Variants in RASA3 observed in about 807,000 individuals in gnomAD.
RASA3 encodes ras GTPase-activating protein 3.
A neutral mutation model predicts 110.0 loss-of-function variants in RASA3; 73 were observed. The observed-to-expected ratio is 0.66, with a 90% confidence interval of 0.55 to 0.81. RASA3 has a LOEUF of 0.81. Among genes scored for constraint, RASA3 ranks in the 30% least tolerant of loss-of-function variants. The pLI is 0.00. For synonymous variants in RASA3, 500 were observed against 451.4 expected, an observed-to-expected ratio of 1.11 and a Z score of -1.37; for missense variants, 976 against 1,113.2, an observed-to-expected ratio of 0.88 and a Z score of 1.75.
In RASA3 at chr13:114,073,229, C is replaced by A. The variant is rs547358994; in HGVS notation, c.173+491G>T. Among the ~76,000 whole-genome samples the A allele has an allele frequency of 3.3e-5, 5 of 150,172 alleles. No individual in the cohort carries two copies. In the East Asian group the frequency reaches 9.9e-4, roughly 30 times the overall value. ...ACGTACACGCTCGGGACATTGTCTA[C>A]GCACAGAAAAATTCCCTACACGCGG... On this transcript the variant is annotated intron_variant, in intron 2 of 23. Coordinates refer to ENST00000334062, the MANE Select transcript of RASA3 (RefSeq NM_007368.4).
rs913671608 is a variant in RASA3 at position 114,048,866 on chromosome 13, T to C, written c.277+3186A>G. Among the ~76,000 whole-genome samples the C allele has an allele frequency of 6.8e-6, 1 of 147,086 alleles. No homozygotes were observed. On this transcript the variant is annotated intron_variant, in intron 3 of 23. Coordinates refer to ENST00000334062, the MANE Select transcript of RASA3 (RefSeq NM_007368.4). The surrounding 1 kb of genome is among the most constrained non-coding windows in gnomAD (Gnocchi z 4.3). The stretch of plus-strand genomic sequence containing the variant: ...GGGAGCTGACTGCAGCCGGTGGAGG[T>C]GCCGGGGTGGGCTGGGGAGGGCTGA...
At chr13:114,043,077 G>A (rs1001417240) in intron 3 of RASA3, among the ~76,000 whole-genome samples, 2 of 152,164 alleles carry the variant, frequency 1.3e-5, no homozygotes, top group Non-Finnish European at 2.9e-5. Flanking sequence ...GGTCCATTCC[G>A]TGACTAATCT....
At chr13:114,024,056 G>A (rs1195091250) in intron 8 of RASA3, among the ~76,000 whole-genome samples, 1 of 152,192 alleles carries the variant, frequency 6.6e-6, no homozygotes, top group Non-Finnish European at 1.5e-5. Flanking sequence ...AGAGGGATGC[G>A]GACCTCTGGC....
chr13:114,013,859 T>TCCCC (rs1555328692), intron 14 of RASA3, among the ~76,000 whole-genome samples: 1 of 23,882 alleles, frequency 4.2e-5, no homozygotes, highest in Non-Finnish European at 1.3e-4. Context: ...TCTCTGTCTC[T>TCCCC]CTCCCTGTCT....
chr13:114,123,157 GCA>G (rs2080401813), intron 1 of RASA3, among the ~76,000 whole-genome samples: 1 of 152,180 alleles, frequency 6.6e-6, no homozygotes, highest in South Asian at 2.1e-4. Context: ...CATGTGTCCT[GCA>G]CAGTCACCAC....
chr13:114,064,659 G>A (rs2079415688), intron 2 of RASA3, among the ~76,000 whole-genome samples: 1 of 152,224 alleles, frequency 6.6e-6, no homozygotes, highest in Non-Finnish European at 1.5e-5. Context: ...TCGGTGGCCT[G>A]TGCCGGACAA....
In RASA3 at chr13:114,132,547, C is replaced by G; in HGVS notation, c.-58G>C. ...AAGCGCGCGCCGAGCCCGGGCAGCT[C>G]AGGCCGAGCAGGAGGAGCGGCGGCG... On this transcript the variant is annotated 5_prime_UTR_variant, in exon 1 of 24. Coordinates refer to ENST00000334062, the MANE Select transcript of RASA3 (RefSeq NM_007368.4). 1 of 1,302,910 alleles carries G rather than the reference C, an allele frequency of 7.7e-7. No individual in the cohort carries two copies. Among genetic ancestry groups the G allele is most frequent in the Non-Finnish European group, 9.8e-7 (1 of 1,025,290 alleles). The allele number at this position is 1,302,910 out of a possible 1,614,324, so 80.7% of individuals were successfully genotyped here. A position where few individuals can be genotyped will look rare whatever the true frequency, so the allele number is the denominator to read the frequency against.
rs2139590523 is a variant in RASA3, at chr13:114,057,121, T to C, written c.174-4966A>G. 1.2e-6 allele frequency: 1 copy of C among 820,110 alleles called. No homozygotes were observed. Among genetic ancestry groups the C allele is most frequent in the Non-Finnish European group, 1.5e-6 (1 of 679,334 alleles). 50.8% of individuals were successfully genotyped at this position (820,110 alleles called of 1,614,324 possible). On this transcript the variant is annotated intron_variant, in intron 2 of 23. Coordinates refer to ENST00000334062, the MANE Select transcript of RASA3 (RefSeq NM_007368.4). This position sits in a 1 kb window ranked among gnomAD's most constrained non-coding sequence, Gnocchi z 5.0. ...GGCTCCAGCACAGGCGATGGGTGAG[T>C]GTTTTGCATGTCTGATGTCGTTTAT... is the stretch of plus-strand genomic sequence containing the variant.
At chr13:114,017,199 C>G (rs373057686) in intron 12 of RASA3, 38 bp downstream of exon 12, 1 of 1,560,528 alleles carries the variant, frequency 6.4e-7, no homozygotes, top group Admixed American at 1.7e-5. Flanking sequence ...ATCCTCCCCA[C>G]GCCTCGTGAG....
At chr13:114,130,638 T>G (rs1277417586) in intron 1 of RASA3, among the ~76,000 whole-genome samples, 1 of 152,162 alleles carries the variant, frequency 6.6e-6, no homozygotes, top group African/African-American at 2.4e-5. Flanking sequence ...TGGTCTTCCC[T>G]CGCCCTCCTG....
chr13:114,021,934 G>A (rs1317565261), intron 8 of RASA3, among the ~76,000 whole-genome samples: 1 of 152,058 alleles, frequency 6.6e-6, no homozygotes, highest in Non-Finnish European at 1.5e-5. Context: ...CCAGGAGGGA[G>A]CCAGGAGTTG....
At chr13:114,097,944 A>G (rs1049121097) in intron 1 of RASA3, among the ~76,000 whole-genome samples, 3 of 152,204 alleles carry the variant, frequency 2.0e-5, no homozygotes, top group Admixed American at 6.5e-5. Context: ...CAGGGGGTCC[A>G]GGGAGACCAC....
chr13:114,100,169 G>A (rs975625325), intron 1 of RASA3, among the ~76,000 whole-genome samples: 1 of 151,570 alleles, frequency 6.6e-6, no homozygotes, highest in African/African-American at 2.4e-5. Flanking sequence ...AATGGTAAAT[G>A]GAGGAGCTCG....
chr13:113,999,145 C>A (rs78400130), intron 20 of RASA3, among the ~76,000 whole-genome samples: 2 of 92,132 alleles, frequency 2.2e-5, no homozygotes, highest in Non-Finnish European at 5.2e-5. Flanking sequence ...AGGCCACACA[C>A]GGGTCTGGGT....
rs540152506 is a variant in RASA3, at chr13:114,024,042, G to C, written c.680+237C>G. Among the ~76,000 whole-genome samples the C allele has an allele frequency of 3.3e-5, 5 of 152,220 alleles. No homozygotes were observed. In the East Asian group the frequency reaches 5.8e-4, roughly 18 times the overall value. On this transcript the variant is annotated intron_variant, in intron 8 of 23. Transcript: ENST00000334062. ...TCACTCCAGGTGGATGAAGCCTTAC[G>C]GCCAGAGGGATGCGGACCTCTGGCT...
At chr13:113,988,627 T>C in intron 22 of RASA3, among the ~76,000 whole-genome samples, 1 of 39,380 alleles carries the variant, frequency 2.5e-5, no homozygotes. Flanking sequence ...CTCACCCCAG[T>C]CCATCCTCTC....
chr13:113,984,116 G>C (rs373598698), intron 22 of RASA3, among the ~76,000 whole-genome samples: 277 of 30,206 alleles, frequency 9.2e-3, no homozygotes, highest in Middle Eastern at 0.025. Flanking sequence ...ATCCACCCAT[G>C]ACTCACCCAT....
intron 18 of RASA3, among the ~76,000 whole-genome samples, chr13:114,002,351 C>T (rs1203506258): frequency 3.9e-5 from 6 of 152,202 alleles, no homozygotes; most frequent in East Asian, 1.9e-4. Flanking sequence ...CGCTGGGAGC[C>T]GCCAGGACAG....
intron 4 of RASA3, among the ~76,000 whole-genome samples, chr13:114,030,417 GACTCACACA>G (rs2054130548): frequency 1.2e-5 from 1 of 81,660 alleles, no homozygotes; most frequent in African/African-American, 3.6e-5. Flanking sequence ...CAGAGAGCAA[GACTCACACA>G]GAGGGCAAGG....
Sources: gnomAD v4.1 joint callset for allele counts (sites outside exome capture counted in the v4.1 genomes callset) on GRCh38, gnomAD v4.1.1 for gene constraint, Gnocchi (gnomAD v3.1) non-coding constraint, MANE v1.5 for transcripts, NCBI Gene and HGNC (gene_info 2026-07-23, HGNC 2026-07-21) for gene names.